ATP8B1: variants seen among roughly 807,000 people sequenced by gnomAD.
ATP8B1 encodes ATPase phospholipid transporting 8B1.
Under a neutral mutation model 149.9 loss-of-function variants are expected in ATP8B1, and 80 were observed. The observed-to-expected ratio is 0.53, with a 90% confidence interval of 0.45 to 0.64. The LOEUF (loss-of-function observed/expected upper bound fraction) is 0.64, where lower values mean the gene tolerates loss of function less well. Among genes scored for constraint, ATP8B1 ranks in the 30% least tolerant of loss-of-function variants. The pLI is 0.00. For synonymous variants in ATP8B1, 536 were observed against 562.8 expected (o/e 0.95, Z 0.67); for missense variants, 1,247 against 1,552.6 (o/e 0.80, Z 3.31).
At chr18:57,732,348 T>C in intron 1 of ATP8B1, among the ~76,000 whole-genome samples, 1 of 130,582 alleles carries the variant, frequency 7.7e-6, no homozygotes, top group African/African-American at 2.7e-5. Flanking sequence ...TATATATGTA[T>C]ATATGTGTAT....
rs117637160 is a variant in ATP8B1 at position 57,680,625 on chromosome 18, A to C, written c.1630+3411T>G. On this transcript the variant is annotated intron_variant, in intron 15 of 27. Coordinates refer to ENST00000648908, the MANE Select transcript of ATP8B1 (RefSeq NM_001374385.1). ...CAAAACAAAACAAAACAAAAAAAAA[A>C]CCACACACGCTCACAAAAACAAGCC... Among the ~76,000 whole-genome samples the C allele has an allele frequency of 2.0e-3, 301 of 148,872 alleles. 1 individual carries two copies. The highest frequency in any genetic ancestry group is 6.9e-3 in the African/African-American group (277 of 40,156).
At chr18:57,760,580 G>A (rs1028990656) in intron 1 of ATP8B1, among the ~76,000 whole-genome samples, 1 of 152,208 alleles carries the variant, frequency 6.6e-6, no homozygotes, top group Non-Finnish European at 1.5e-5. Context: ...CACTTAACCC[G>A]AATCTCCTGC....
In ATP8B1 at chr18:57,708,277, G is replaced by A. The variant is rs115165545; in HGVS notation, c.182-1690C>T. Among the ~76,000 whole-genome samples, 377 of 151,124 alleles carry A rather than the reference G, an allele frequency of 2.5e-3. 1 individual carries two copies. The highest frequency in any genetic ancestry group is 8.8e-3 in the African/African-American group (361 of 41,128). Reference sequence around the variant, plus strand: ...TTGAACATTTTTCTCGCATCATTTTGGCTGCCTTTCATCGGGTAATCATAA... The same window carrying A: ...TTGAACATTTTTCTCGCATCATTTTAGCTGCCTTTCATCGGGTAATCATAA... On this transcript the variant is annotated intron_variant, in intron 2 of 27. Transcript: ENST00000648908.
intron 16 of ATP8B1, 105 bp downstream of exon 16, chr18:57,674,729 C>T: frequency 7.6e-7 from 1 of 1,321,988 alleles, no homozygotes; most frequent in East Asian, 2.3e-5. Context: ...TCCCAGGAGC[C>T]AAGTAGCTCT....
At chr18:57,690,162 G>C (rs117544468) in intron 12 of ATP8B1, among the ~76,000 whole-genome samples, 2,267 of 152,316 alleles carry the variant, frequency 0.015, 21 homozygotes, top group Non-Finnish European at 0.024. Flanking sequence ...CTGAGTAAAG[G>C]CCTTTGTAGT....
Position 57,661,178 on chromosome 18 carries a change from G to A in ATP8B1, c.2703C>T (p.Ile901=). ...IGDGANDVNM[I]KTAHIGVGIS... is the part of the protein sequence containing the mutation. Reference sequence around the variant, plus strand: ...GGCCGTGGGTGCATGACTCACTTTTGATCATGTTCACGTCATTGGCCCCAT... The same window carrying A: ...GGCCGTGGGTGCATGACTCACTTTTAATCATGTTCACGTCATTGGCCCCAT... Residue 901 remains isoleucine, a synonymous_variant, in exon 22 of 28, where the codon ATC becomes ATT. Transcript: ENST00000648908. 1.2e-6 allele frequency: 2 copies of A among 1,613,554 alleles called. No homozygotes were observed. The highest frequency in any genetic ancestry group is 1.7e-6 in the Non-Finnish European group (2 of 1,180,022).
intron 1 of ATP8B1, among the ~76,000 whole-genome samples, chr18:57,744,209 G>A: frequency 6.6e-6 from 1 of 151,326 alleles, no homozygotes; most frequent in African/African-American, 2.4e-5. Flanking sequence ...CAGCTACTTG[G>A]GAGGCTGAGG....
intron 10 of ATP8B1, among the ~76,000 whole-genome samples, 161 bp from the exon 11 acceptor site, chr18:57,694,831 G>T (rs1742994885): frequency 6.6e-6 from 1 of 151,978 alleles, no homozygotes; most frequent in African/African-American, 2.4e-5. Context: ...GGGGTTCGAG[G>T]CCAGCCTGGC....
intron 4 of ATP8B1, among the ~76,000 whole-genome samples, chr18:57,703,004 A>G (rs1266547466): frequency 6.6e-6 from 1 of 152,182 alleles, no homozygotes. Context: ...CCTACAGAGC[A>G]GCACCTTGGA....
intron 20 of ATP8B1, among the ~76,000 whole-genome samples, chr18:57,664,423 T>G (rs1369205633): frequency 6.7e-6 from 1 of 149,664 alleles, no homozygotes; most frequent in Non-Finnish European, 1.5e-5. Context: ...TGAGGATCAC[T>G]TGAACCCAGG....
At chr18:57,762,112 TAC>T (rs932507966) in intron 1 of ATP8B1, among the ~76,000 whole-genome samples, 1 of 146,356 alleles carries the variant, frequency 6.8e-6, no homozygotes, top group South Asian at 2.2e-4. Context: ...AATAATGAGA[TAC>T]ACACACACAC....
chr18:57,759,977 A>T (rs1323031514), intron 1 of ATP8B1, among the ~76,000 whole-genome samples: 1 of 152,012 alleles, frequency 6.6e-6, no homozygotes, highest in East Asian at 1.9e-4. Flanking sequence ...CATGTAGGAG[A>T]GCTGCTAGGA....
intron 15 of ATP8B1, among the ~76,000 whole-genome samples, chr18:57,678,077 C>T (rs900217146): frequency 3.0e-4 from 45 of 152,178 alleles, no homozygotes; most frequent in African/African-American, 1.1e-3. Flanking sequence ...GACACTTGGA[C>T]TAAAAAACTA....
In ATP8B1 at chr18:57,697,604, C is replaced by T. The variant is rs560685942; in HGVS notation, c.698+14G>A. Reference sequence around the variant, plus strand: ...AAGGCCAGCTTTAAATCAGGCCCATCGAGACACACTTACCCATCCAGTTCT... The same window carrying T: ...AAGGCCAGCTTTAAATCAGGCCCATTGAGACACACTTACCCATCCAGTTCT... On this transcript the variant is annotated intron_variant, in intron 8 of 27. Transcript: ENST00000648908. 9.2e-5 allele frequency: 148 copies of T among 1,613,194 alleles called. 1 individual carries two copies. The South Asian group carries it at 1.3e-3, about 14-fold the overall frequency.
At chr18:57,680,931 G>A (rs139007337) in intron 15 of ATP8B1, among the ~76,000 whole-genome samples, 143 of 152,296 alleles carry the variant, frequency 9.4e-4, no homozygotes, top group African/African-American at 3.3e-3. Context: ...CCTCTGTGCA[G>A]GCGGGAGTCT....
chr18:57,723,106 A>G lies in ATP8B1; in HGVS notation c.181+8521T>C, dbSNP rs2079664843. The stretch of plus-strand genomic sequence containing the variant: ...TATTGATGGGACGTATTTCAAAATA[A>G]TAAGAGCTATCTATGACAAACCCAC... On this transcript the variant is annotated intron_variant, in intron 2 of 27. Coordinates refer to ENST00000648908, the MANE Select transcript of ATP8B1 (RefSeq NM_001374385.1). 2.6e-5 allele frequency among the ~76,000 whole-genome samples: 4 copies of G among 151,470 alleles called. No homozygotes were observed. In the South Asian group the frequency reaches 8.4e-4, roughly 32 times the overall value.
intron 15 of ATP8B1, among the ~76,000 whole-genome samples, chr18:57,679,983 A>G (rs1356043187): frequency 6.6e-6 from 1 of 151,806 alleles, no homozygotes; most frequent in Non-Finnish European, 1.5e-5. Context: ...TTAAGTGACA[A>G]TAAACTACCT....
intron 3 of ATP8B1, 104 bp from the exon 4 acceptor site, chr18:57,704,772 A>G: frequency 1.3e-6 from 1 of 767,336 alleles, no homozygotes; most frequent in Admixed American, 2.0e-5. Context: ...ACAAAGGAAC[A>G]TCATCTGTCA....
At chr18:57,704,311 C>A (rs1243247513) in intron 4 of ATP8B1, among the ~76,000 whole-genome samples, 1 of 152,158 alleles carries the variant, frequency 6.6e-6, no homozygotes, top group Non-Finnish European at 1.5e-5. Context: ...TTTTAACACC[C>A]ATATCAGTAT....
Sources: allele counts gnomAD v4.1 joint callset (sites outside exome capture counted in the v4.1 genomes callset), GRCh38; gene constraint gnomAD v4.1.1; transcripts MANE v1.5; gene names NCBI Gene and HGNC (gene_info 2026-07-23, HGNC 2026-07-21).